The following MIPOL1 variants were observed in gnomAD, a reference collection of about 807,000 sequenced individuals.
MIPOL1 encodes the protein mirror-image polydactyly 1.
In MIPOL1, 57 loss-of-function variants were observed where a neutral mutation model predicts 60.9. The ratio of observed to expected loss-of-function variants is 0.94; its 90% confidence interval spans 0.76 to 1.17. MIPOL1 has a LOEUF of 1.17. Among genes scored for constraint, MIPOL1 ranks in the 50% most tolerant of loss-of-function variants. The probability of loss-of-function intolerance (pLI) is 0.00; values close to 1 mark genes in which losing one functional copy is unlikely to be tolerated. For missense variants in MIPOL1, 551 were observed against 511.6 expected (o/e 1.08, Z -0.74); for synonymous variants, 179 against 168.8 (o/e 1.06, Z -0.47).
intron 6 of MIPOL1, chr14:37,278,567 T>C (rs2083851482): frequency 6.6e-6 from 1 of 151,850 alleles, no homozygotes; most frequent in Admixed American, 6.6e-5. Context: ...TATCCAGTTA[T>C]TTAATATGTT....
chr14:37,207,228 G>A (rs1205009621), intron 1 of MIPOL1, among the ~76,000 whole-genome samples: 1 of 152,120 alleles, frequency 6.6e-6, no homozygotes, highest in East Asian at 1.9e-4. Flanking sequence ...TGTTCTCCTG[G>A]TAGTGAATAA....
chr14:37,200,894 GTGTGTATT>G (rs1965200524), intron 1 of MIPOL1, among the ~76,000 whole-genome samples: 2 of 49,904 alleles, frequency 4.0e-5, no homozygotes, highest in Admixed American at 1.9e-4. Flanking sequence ...GTGTGTGTGT[GTGTGTATT>G]TTTTTTTTTT....
At chr14:37,253,591 G>T (rs575732672) in intron 3 of MIPOL1, among the ~76,000 whole-genome samples, 1 of 151,830 alleles carries the variant, frequency 6.6e-6, no homozygotes, top group South Asian at 2.1e-4. Context: ...AAATCGTGGT[G>T]ATTGTCTTTC....
chr14:37,494,967 T>C (rs1299357359), intron 11 of MIPOL1, among the ~76,000 whole-genome samples: 2 of 151,892 alleles, frequency 1.3e-5, no homozygotes, highest in Admixed American at 6.6e-5. Context: ...AAAATCAAAA[T>C]CAGGTATAAA....
At chr14:37,295,360 G>A (rs578159386) in intron 7 of MIPOL1, among the ~76,000 whole-genome samples, 2 of 152,248 alleles carry the variant, frequency 1.3e-5, no homozygotes, top group East Asian at 3.9e-4. Context: ...ATGCCAAATT[G>A]TAAAGACCAT....
chr14:37,267,535 T>G (rs765159015), intron 4 of MIPOL1, among the ~76,000 whole-genome samples: 7 of 152,014 alleles, frequency 4.6e-5, no homozygotes, highest in Non-Finnish European at 8.8e-5. Flanking sequence ...TTTTTCTCCC[T>G]CCCTTCTTCC....
Position 37,356,418 on chromosome 14 carries a change from G to C in MIPOL1, c.829-13099G>C, listed in dbSNP as rs2091831323. 9.2e-5 allele frequency among the ~76,000 whole-genome samples: 14 copies of C among 152,274 alleles called. No homozygotes were observed. In the South Asian group the frequency reaches 2.7e-3, roughly 29 times the overall value. On this transcript the variant is annotated intron_variant, in intron 9 of 12. Coordinates refer to ENST00000684589, the MANE Select transcript of MIPOL1 (RefSeq NM_001388067.1). Reference sequence around the variant, plus strand: ...TACAGAGGCAGGCAGGCCTCCTTGAGCTGTGGTGGGCTCCACCCAGTTCGA... The same window carrying C: ...TACAGAGGCAGGCAGGCCTCCTTGACCTGTGGTGGGCTCCACCCAGTTCGA...
chr14:37,203,378 A>G (rs1965608904), intron 1 of MIPOL1, among the ~76,000 whole-genome samples: 1 of 152,190 alleles, frequency 6.6e-6, no homozygotes, highest in Admixed American at 6.5e-5. Flanking sequence ...AAGAGACCGT[A>G]GGGGTCATTT....
chr14:37,448,487 C>A (rs1159508942), intron 11 of MIPOL1, among the ~76,000 whole-genome samples: 1 of 152,160 alleles, frequency 6.6e-6, no homozygotes, highest in Non-Finnish European at 1.5e-5. Context: ...TAGCAAAATT[C>A]TTTTTGCTTG....
intron 9 of MIPOL1, among the ~76,000 whole-genome samples, chr14:37,349,021 C>T (rs1275453782): frequency 1.6e-5 from 2 of 122,770 alleles, no homozygotes; most frequent in African/African-American, 6.2e-5. Flanking sequence ...TGGAGTTTCG[C>T]TCTGTTGCCT....
In MIPOL1 at chr14:37,344,512, A is replaced by G. The variant is rs117020506; in HGVS notation, c.829-25005A>G. ...TAGATTTGTTTTTATTAGCAAAACT[A>G]CTTTATAGGTGGTTTTGTGTTCTTT... On this transcript the variant is annotated intron_variant, in intron 9 of 12. Coordinates refer to ENST00000684589, the MANE Select transcript of MIPOL1 (RefSeq NM_001388067.1). Among the ~76,000 whole-genome samples the G allele has an allele frequency of 9.8e-3, 1,484 of 152,126 alleles. 10 individuals carry two copies. The highest frequency in any genetic ancestry group is 0.014 in the Non-Finnish European group (965 of 67,988).
intron 6 of MIPOL1, among the ~76,000 whole-genome samples, chr14:37,281,444 G>C (rs943495676): frequency 6.6e-6 from 1 of 151,930 alleles, no homozygotes; most frequent in African/African-American, 2.4e-5. Flanking sequence ...TTGCTCTGTC[G>C]CCCAGGCTGG....
At chr14:37,215,976 A>G (rs939532643) in intron 1 of MIPOL1, among the ~76,000 whole-genome samples, 1 of 151,640 alleles carries the variant, frequency 6.6e-6, no homozygotes, top group African/African-American at 2.4e-5. Context: ...AGGCAGAAGA[A>G]TCACTTGAAC....
chr14:37,461,325 G>C (rs1243473933), intron 11 of MIPOL1, among the ~76,000 whole-genome samples: 2 of 152,138 alleles, frequency 1.3e-5, no homozygotes, highest in Non-Finnish European at 2.9e-5. Flanking sequence ...GAGAGCTTGT[G>C]CAAGGGAACT....
At chr14:37,364,342 G>C (rs2092395835) in intron 9 of MIPOL1, among the ~76,000 whole-genome samples, 1 of 152,146 alleles carries the variant, frequency 6.6e-6, no homozygotes, top group South Asian at 2.1e-4. Context: ...ATTTTCTGTA[G>C]TAGTTTCATA....
chr14:37,367,990 A>G (rs1341326653), intron 9 of MIPOL1, among the ~76,000 whole-genome samples: 1 of 152,066 alleles, frequency 6.6e-6, no homozygotes, highest in African/African-American at 2.4e-5. Context: ...GAAAATAAAT[A>G]CCACATAATA....
intron 10 of MIPOL1, among the ~76,000 whole-genome samples, chr14:37,410,978 T>C (rs1235971988): frequency 6.6e-6 from 1 of 152,136 alleles, no homozygotes; most frequent in African/African-American, 2.4e-5. Flanking sequence ...GACAAATTTA[T>C]TGGAAATTTC....
At chr14:37,389,106 C>T (rs1219190799) in intron 10 of MIPOL1, among the ~76,000 whole-genome samples, 1 of 152,010 alleles carries the variant, frequency 6.6e-6, no homozygotes, top group African/African-American at 2.4e-5. Flanking sequence ...GTGAAATATA[C>T]TGACCGCCTT....
intron 10 of MIPOL1, among the ~76,000 whole-genome samples, chr14:37,416,000 C>G (rs899007554): frequency 2.0e-5 from 3 of 152,048 alleles, no homozygotes; most frequent in Non-Finnish European, 4.4e-5. Flanking sequence ...AGTTGATAAT[C>G]TCTCTTTTAT....
Sources: allele counts gnomAD v4.1 joint callset (sites outside exome capture counted in the v4.1 genomes callset), GRCh38; gene constraint gnomAD v4.1.1; transcripts MANE v1.5; gene names NCBI Gene and HGNC (gene_info 2026-07-23, HGNC 2026-07-21).